The following GNB1 variants were observed in gnomAD, a reference collection of about 807,000 sequenced individuals.
GNB1 encodes the protein guanine nucleotide-binding protein G(I)/G(S)/G(T) subunit beta-1.
GNB1 carries 2 observed loss-of-function variants against 42.9 expected under a neutral mutation model. The observed-to-expected ratio is 0.05, with a 90% CI of 0.02 to 0.15. GNB1 has a LOEUF of 0.15. GNB1 is among the 10% of genes least tolerant of loss of function. The probability of loss-of-function intolerance (pLI) is 1.00; values close to 1 mark genes in which losing one functional copy is unlikely to be tolerated. For missense variants in GNB1, 193 were observed against 462.2 expected (o/e 0.42, Z 5.34); for synonymous variants, 183 against 174.7 (o/e 1.05, Z -0.38).
chr1:1,834,854 G>C (rs1647124345), intron 2 of GNB1, among the ~76,000 whole-genome samples: 2 of 151,860 alleles, frequency 1.3e-5, no homozygotes, highest in African/African-American at 4.8e-5. Context: ...ATTTTTATTA[G>C]AGACGGGGTT....
At chr1:1,800,171 C>T (rs1460352026) in intron 7 of GNB1, among the ~76,000 whole-genome samples, 2 of 152,148 alleles carry the variant, frequency 1.3e-5, no homozygotes, top group East Asian at 1.9e-4. Flanking sequence ...CAAAATGTCA[C>T]TCAGAATCCA....
At chr1:1,884,494 G>A (rs1425113201) in intron 1 of GNB1, among the ~76,000 whole-genome samples, 1 of 152,154 alleles carries the variant, frequency 6.6e-6, no homozygotes, top group Non-Finnish European at 1.5e-5. Flanking sequence ...TTACAGGCAT[G>A]AGCCACCACA....
chr1:1,860,703 A>G (rs1192533759), intron 1 of GNB1, among the ~76,000 whole-genome samples: 1 of 151,302 alleles, frequency 6.6e-6, no homozygotes, highest in Non-Finnish European at 1.5e-5. Flanking sequence ...ACAGAGCAAG[A>G]CTCTGTCTCA....
chr1:1,812,260 C>G (rs1646790490), intron 5 of GNB1, among the ~76,000 whole-genome samples: 1 of 151,414 alleles, frequency 6.6e-6, no homozygotes, highest in South Asian at 2.1e-4. Flanking sequence ...GACAAGTTAA[C>G]AGGTGCAGCA....
intron 1 of GNB1, among the ~76,000 whole-genome samples, chr1:1,844,884 A>G (rs1473459317): frequency 6.6e-6 from 1 of 152,206 alleles, no homozygotes; most frequent in East Asian, 1.9e-4. Context: ...ATATTCCGGA[A>G]AACATCCAGC....
chr1:1,856,600 G>C (rs1217006109), intron 1 of GNB1, among the ~76,000 whole-genome samples: 1 of 152,040 alleles, frequency 6.6e-6, no homozygotes, highest in African/African-American at 2.4e-5. Context: ...GCTAACTTTT[G>C]TATTTTCAGT....
intron 1 of GNB1, chr1:1,890,446 G>C (rs1650427685): frequency 6.7e-6 from 1 of 149,346 alleles, no homozygotes; most frequent in African/African-American, 2.4e-5. Flanking sequence ...CTCGCGCCGC[G>C]GGCCCGAGAG....
rs1411331585 is a variant in GNB1 at position 1,814,784 on chromosome 1, T to A, written c.203+972A>T. ...ACCACTGCACTCCAGCATGACTGAG[T>A]GAGACCCTGTCTCAAAAAAAAAAAA... On this transcript the variant is annotated intron_variant, in intron 5 of 11. Coordinates refer to ENST00000378609, the MANE Select transcript of GNB1 (RefSeq NM_002074.5). 8.3e-5 allele frequency among the ~76,000 whole-genome samples: 10 copies of A among 119,870 alleles called. 1 individual carries two copies. Among genetic ancestry groups the A allele is most frequent in the African/African-American group, 2.4e-4 (7 of 29,068 alleles). 78.6% of individuals were successfully genotyped at this position (119,870 alleles called of 152,430 possible). A position where few individuals can be genotyped will look rare whatever the true frequency, so the allele number is the denominator to read the frequency against.
chr1:1,825,526 A>G (rs1183727271), intron 2 of GNB1, 27 bp from the exon 3 acceptor site: 1 of 1,067,508 alleles, frequency 9.4e-7, no homozygotes. Context: ...AGCACAATCA[A>G]TAAACAACTG....
At chr1:1,862,658 C>T (rs954676636) in intron 1 of GNB1, among the ~76,000 whole-genome samples, 5 of 151,846 alleles carry the variant, frequency 3.3e-5, no homozygotes, top group African/African-American at 1.2e-4. Flanking sequence ...AGGGTTTCCC[C>T]CATGTTGCCT....
Position 1,834,880 on chromosome 1 carries a change from G to A in GNB1, c.-47+4310C>T, listed in dbSNP as rs547861312. 8.8e-4 allele frequency among the ~76,000 whole-genome samples: 134 copies of A among 152,064 alleles called. 1 individual carries two copies. Among genetic ancestry groups the A allele is most frequent in the African/African-American group, 3.2e-3 (132 of 41,486 alleles). ...AGACGGGGTTTCACCGTGTTAGCCA[G>A]GATGGTCTTGATCTCCTGACTTCAT... On this transcript the variant is annotated intron_variant, in intron 2 of 11. Coordinates refer to ENST00000378609, the MANE Select transcript of GNB1 (RefSeq NM_002074.5).
intron 2 of GNB1, among the ~76,000 whole-genome samples, chr1:1,827,583 AC>A (rs1450409710): frequency 6.6e-6 from 1 of 152,154 alleles, no homozygotes; most frequent in Non-Finnish European, 1.5e-5. Flanking sequence ...AATCCTAGCG[AC>A]TGTGATTTGT....
chr1:1,890,732 G>C (rs1158200653), intron 1 of GNB1, 88 bp downstream of exon 1: 1 of 148,236 alleles, frequency 6.7e-6, no homozygotes, highest in Non-Finnish European at 1.5e-5. Context: ...CCCGACCGGC[G>C]GGTGGGGTGG....
intron 1 of GNB1, among the ~76,000 whole-genome samples, chr1:1,861,278 G>A (rs1308950382): frequency 6.6e-6 from 1 of 151,918 alleles, no homozygotes; most frequent in Non-Finnish European, 1.5e-5. Flanking sequence ...GCAACATAAA[G>A]AGTCCTCATC....
chr1:1,890,487 C>A (rs1247205409), intron 1 of GNB1: 1 of 149,216 alleles, frequency 6.7e-6, no homozygotes, highest in African/African-American at 2.4e-5. Flanking sequence ...AGGGCCCGGC[C>A]CCGCCCGACC....
chr1:1,801,230 G>A (rs530660024), intron 7 of GNB1, among the ~76,000 whole-genome samples: 1 of 152,302 alleles, frequency 6.6e-6, no homozygotes, highest in East Asian at 1.9e-4. Context: ...GTTTCGTCAT[G>A]TTGGCTAGGC....
At chr1:1,870,835 G>A (rs895746971) in intron 1 of GNB1, among the ~76,000 whole-genome samples, 1 of 152,128 alleles carries the variant, frequency 6.6e-6, no homozygotes, top group Non-Finnish European at 1.5e-5. Context: ...CTACTCGGGA[G>A]GCTGAGGCAG....
chr1:1,814,816 A>AG (rs139852559), intron 5 of GNB1, among the ~76,000 whole-genome samples: 5 of 60,278 alleles, frequency 8.3e-5, no homozygotes, highest in Admixed American at 3.0e-4. Context: ...AAAAAAAAAA[A>AG]AAAAGAAAAA....
At chr1:1,835,620 G>C (rs1383942304) in intron 2 of GNB1, among the ~76,000 whole-genome samples, 1 of 152,182 alleles carries the variant, frequency 6.6e-6, no homozygotes, top group Non-Finnish European at 1.5e-5. Context: ...GTGGCAACCA[G>C]TGTAACAGTG....
Sources: allele counts gnomAD v4.1 joint callset (sites outside exome capture counted in the v4.1 genomes callset), GRCh38; gene constraint gnomAD v4.1.1; transcripts MANE v1.5; gene names NCBI Gene and HGNC (gene_info 2026-07-23, HGNC 2026-07-21).